Variants in CREB5 observed in about 807,000 individuals in gnomAD.
CREB5 encodes cyclic AMP-responsive element-binding protein 5.
In CREB5, 19 loss-of-function variants were observed where a neutral mutation model predicts 57.1. The observed-to-expected ratio is 0.33, with a 90% CI of 0.23 to 0.49. The LOEUF is 0.49. CREB5 is among the 20% of genes least tolerant of loss of function. CREB5 has a pLI of 0.99. For synonymous variants in CREB5, 238 were observed against 238.3 expected (o/e 1.00, Z 0.01); for missense variants, 579 against 671.6 (o/e 0.86, Z 1.52).
At chr7:28,560,987 T>TGCGCGTGCGTGTGTGCAC (rs1212595303) in intron 4 of CREB5, among the ~76,000 whole-genome samples, 1 of 64,450 alleles carries the variant, frequency 1.6e-5, no homozygotes, top group Non-Finnish European at 3.5e-5. Context: ...TGTGCGTGCG[T>TGCGCGTGCGTGTGTGCAC]GTGTGTGCCT....
Position 28,818,142 on chromosome 7 carries a change from A to G in CREB5, c.1326A>G (p.Pro442=). The change falls in exon 10 of 11, where the codon CCA becomes CCG. Residue 442 remains proline (P), a synonymous_variant. Coordinates refer to ENST00000357727, the MANE Select transcript of CREB5 (RefSeq NM_182898.4). ...TGTTGTTAACACATAAAGACTGCCC[A>G]ATAACAGCCATGCAGAAAGAATCAC... ...KQLLLTHKDC[P]ITAMQKESQG... is the part of the protein sequence containing the mutation. 6.2e-7 allele frequency: 1 copy of G among 1,613,652 alleles called. No homozygotes were observed.
At chr7:28,569,103 T>C (rs1402388711) in intron 4 of CREB5, among the ~76,000 whole-genome samples, 1 of 152,134 alleles carries the variant, frequency 6.6e-6, no homozygotes, top group African/African-American at 2.4e-5. Flanking sequence ...GACTTACTTA[T>C]TGCCCTTACC....
At chr7:28,804,115 A>T in intron 7 of CREB5, 84 bp from the exon 8 acceptor site, 1 of 1,284,130 alleles carries the variant, frequency 7.8e-7, no homozygotes, top group Non-Finnish European at 1.1e-6. Context: ...AGAATTGAAA[A>T]TGTGAGTCAT....
chr7:28,742,079 A>G (rs1441454919), intron 7 of CREB5, among the ~76,000 whole-genome samples: 1 of 151,668 alleles, frequency 6.6e-6, no homozygotes, highest in African/African-American at 2.4e-5. Flanking sequence ...AAAAAAAAAA[A>G]AAAAAAATCC....
At position 28,412,831 on chromosome 7, in the gene CREB5, CAGAAG is replaced by C; in HGVS notation, c.-83_-79del. ...TTTCTTCCTAATCTTGCTGGTGAAA[CAGAAG>C]TTACTAGAAAGAAAGGAAGAAAAAA... is the stretch of plus-strand genomic sequence containing the variant. On this transcript the variant is annotated 5_prime_UTR_variant, in exon 1 of 11. Coordinates refer to ENST00000357727, the MANE Select transcript of CREB5 (RefSeq NM_182898.4). 7.8e-7 allele frequency: 1 copy of C among 1,276,892 alleles called. No homozygotes were observed. The highest frequency in any genetic ancestry group is 1.1e-6 in the Non-Finnish European group (1 of 947,646). The allele number at this position is 1,276,892 out of a possible 1,614,324, so 79.1% of individuals were successfully genotyped here.
rs374730981 is a variant in CREB5 at position 28,585,175 on chromosome 7, T to A, written c.464+14638T>A. 6.6e-5 allele frequency among the ~76,000 whole-genome samples: 10 copies of A among 152,352 alleles called. No individual in the cohort carries two copies. The East Asian group carries it at 1.9e-3, about 29-fold the overall frequency. On this transcript the variant is annotated intron_variant, in intron 5 of 10. Coordinates refer to ENST00000357727, the MANE Select transcript of CREB5 (RefSeq NM_182898.4). ...TCTGAAGCACACACTTCTTGTTGAT[T>A]AAGCTGTCTGCCCTATAATTTGCAA...
intron 5 of CREB5, among the ~76,000 whole-genome samples, chr7:28,692,194 A>AAG (rs1013799459): frequency 4.6e-5 from 7 of 151,238 alleles, no homozygotes; most frequent in African/African-American, 1.7e-4. Flanking sequence ...TCCAAAAAAA[A>AAG]AAAAGCAGCA....
chr7:28,624,267 G>C (rs1264161430), intron 5 of CREB5, among the ~76,000 whole-genome samples: 1 of 152,140 alleles, frequency 6.6e-6, no homozygotes, highest in Non-Finnish European at 1.5e-5. Flanking sequence ...TCATTTTAAT[G>C]TTCTCTTCCA....
intron 5 of CREB5, among the ~76,000 whole-genome samples, chr7:28,579,967 A>G (rs1344019602): frequency 1.3e-5 from 2 of 152,164 alleles, no homozygotes; most frequent in East Asian, 3.9e-4. Context: ...TTGCATATTT[A>G]AAGAGATAAG....
At chr7:28,351,769 G>GAA (rs60469794) in intron 1 of CREB5, among the ~76,000 whole-genome samples, 12 of 150,198 alleles carry the variant, frequency 8.0e-5, no homozygotes, top group South Asian at 6.3e-4. Context: ...TTATGGTTTA[G>GAA]AAAAAAAAAA....
chr7:28,665,504 A>C (rs1371493564), intron 5 of CREB5, among the ~76,000 whole-genome samples: 1 of 152,184 alleles, frequency 6.6e-6, no homozygotes, highest in African/African-American at 2.4e-5. Context: ...AGCTGTGAGC[A>C]TGCTATAACT....
At chr7:28,560,833 C>CGTGT (rs1554344280) in intron 4 of CREB5, among the ~76,000 whole-genome samples, 1 of 41,888 alleles carries the variant, frequency 2.4e-5, no homozygotes, top group East Asian at 5.8e-4. Flanking sequence ...CGCGCGCGCG[C>CGTGT]GTGTGTGTGT....
intron 1 of CREB5, among the ~76,000 whole-genome samples, chr7:28,398,188 T>G (rs1381779836): frequency 6.6e-6 from 1 of 152,188 alleles, no homozygotes; most frequent in African/African-American, 2.4e-5. Context: ...CTACCACCTT[T>G]AATGGTACCA....
At chr7:28,410,501 C>T (rs767059175), upstream of CREB5, 2 of 456,554 alleles carry the variant, frequency 4.4e-6, no homozygotes, top group South Asian at 3.1e-5. Flanking sequence ...AGCTGCATCC[C>T]GCTTCTTCTT....
chr7:28,652,065 A>G (rs1021847685), intron 5 of CREB5, among the ~76,000 whole-genome samples: 2 of 152,130 alleles, frequency 1.3e-5, no homozygotes, highest in Non-Finnish European at 2.9e-5. Context: ...CAAATGTGTT[A>G]AAATAGCCAA....
chr7:28,737,518 T>C (rs1804048466), intron 7 of CREB5, among the ~76,000 whole-genome samples: 1 of 137,774 alleles, frequency 7.3e-6, no homozygotes, highest in Admixed American at 7.6e-5. Context: ...TGTGTGTGTG[T>C]GTATATATGT....
At chr7:28,406,207 G>C (rs143561815) in intron 1 of CREB5, among the ~76,000 whole-genome samples, 2 of 152,322 alleles carry the variant, frequency 1.3e-5, no homozygotes, top group African/African-American at 4.8e-5. Flanking sequence ...GCCTGATTAA[G>C]CACTAGTAAG....
intron 1 of CREB5, among the ~76,000 whole-genome samples, chr7:28,399,570 A>T (rs145043754): frequency 0.011 from 1,654 of 152,282 alleles, 29 homozygotes; most frequent in African/African-American, 0.037. Context: ...GTGCTGGGAA[A>T]ACTGGCTAAC....
chr7:28,456,588 C>A (rs1333162182), intron 1 of CREB5, among the ~76,000 whole-genome samples: 1 of 152,148 alleles, frequency 6.6e-6, no homozygotes, highest in African/African-American at 2.4e-5. Flanking sequence ...TTCTAAAGAC[C>A]TTTTTGATAG....
Sources: gnomAD v4.1 joint callset for allele counts (sites outside exome capture counted in the v4.1 genomes callset) on GRCh38, gnomAD v4.1.1 for gene constraint, MANE v1.5 for transcripts, NCBI Gene and HGNC (gene_info 2026-07-23, HGNC 2026-07-21) for gene names.